Variants in DAB1 observed in about 807,000 individuals in gnomAD.
DAB1 encodes DAB adaptor protein 1.
A neutral mutation model predicts 64.6 loss-of-function variants in DAB1; 15 were observed. The observed-to-expected ratio is 0.23, with a 90% CI of 0.16 to 0.36. The LOEUF is 0.36. Among genes scored for constraint, DAB1 ranks in the 10% least tolerant of loss-of-function variants. The pLI, the probability that DAB1 is intolerant of heterozygous loss-of-function variation, is 1.00. For synonymous variants in DAB1, 235 were observed against 251.9 expected (o/e 0.93, Z 0.64); for missense variants, 596 against 706.7 (o/e 0.84, Z 1.78).
intron 6 of DAB1, among the ~76,000 whole-genome samples, chr1:57,670,832 C>T (rs1159310066): frequency 6.6e-6 from 1 of 152,106 alleles, no homozygotes; most frequent in Non-Finnish European, 1.5e-5. Context: ...ACAAAGCAAA[C>T]AGAGTTGTCC....
At chr1:58,465,865 C>T (rs577756085) in intron 3 of DAB1, among the ~76,000 whole-genome samples, 1 of 152,272 alleles carries the variant, frequency 6.6e-6, no homozygotes, top group South Asian at 2.1e-4. Context: ...TGGTCAATGG[C>T]AGAAATGGGG....
intron 6 of DAB1, among the ~76,000 whole-genome samples, chr1:57,685,192 T>C (rs548582744): frequency 1.3e-5 from 2 of 151,892 alleles, no homozygotes; most frequent in East Asian, 3.9e-4. Flanking sequence ...GACCTCGTGA[T>C]CTGCCCACCT....
At chr1:58,140,023 T>A (rs1392684843) in intron 5 of DAB1, among the ~76,000 whole-genome samples, 1 of 152,220 alleles carries the variant, frequency 6.6e-6, no homozygotes, top group Non-Finnish European at 1.5e-5. Flanking sequence ...ACTCCTGCAA[T>A]GGCATATTTT....
At chr1:57,722,761 G>A (rs887469607) in intron 6 of DAB1, among the ~76,000 whole-genome samples, 5 of 152,212 alleles carry the variant, frequency 3.3e-5, no homozygotes, top group Non-Finnish European at 5.9e-5. Context: ...GGAGAAAGGG[G>A]AGAACAATGG....
intron 7 of DAB1, among the ~76,000 whole-genome samples, chr1:57,470,115 T>C (rs1687088668): frequency 6.6e-6 from 1 of 152,198 alleles, no homozygotes; most frequent in Admixed American, 6.5e-5. Context: ...AATCTGCCAC[T>C]AACTCATGAA....
chr1:58,200,878 T>C (rs1233311851), intron 4 of DAB1, among the ~76,000 whole-genome samples: 1 of 152,156 alleles, frequency 6.6e-6, no homozygotes, highest in Non-Finnish European at 1.5e-5. Flanking sequence ...ACTCAAACAA[T>C]TATCATAACT....
chr1:57,565,663 CA>C (rs1306411997), intron 7 of DAB1, among the ~76,000 whole-genome samples: 2 of 152,074 alleles, frequency 1.3e-5, no homozygotes, highest in African/African-American at 2.4e-5. Flanking sequence ...CAACAAAGAT[CA>C]AAAGAGACAA....
intron 4 of DAB1, among the ~76,000 whole-genome samples, chr1:58,228,158 C>T (rs1050819130): frequency 2.6e-5 from 4 of 152,106 alleles, no homozygotes; most frequent in Admixed American, 6.5e-5. Context: ...GCAGTATAGT[C>T]GGTTCAAGGC....
chr1:58,012,004 G>A (rs1450981227), intron 5 of DAB1, among the ~76,000 whole-genome samples: 2 of 152,002 alleles, frequency 1.3e-5, no homozygotes, highest in African/African-American at 4.8e-5. Context: ...TTTTTATTGT[G>A]CATACATATA....
At chr1:58,025,933 T>C (rs983383398) in intron 5 of DAB1, among the ~76,000 whole-genome samples, 1 of 152,000 alleles carries the variant, frequency 6.6e-6, no homozygotes, top group Admixed American at 6.6e-5. Context: ...CTGTGCATTG[T>C]TCTTGTTCTC....
intron 3 of DAB1, among the ~76,000 whole-genome samples, chr1:58,409,796 G>A (rs1180228987): frequency 6.6e-6 from 1 of 152,190 alleles, no homozygotes; most frequent in Non-Finnish European, 1.5e-5. Flanking sequence ...ACTGAGCACT[G>A]GCTAGGATTT....
intron 5 of DAB1, among the ~76,000 whole-genome samples, chr1:57,935,741 C>A (rs1645015474): frequency 6.6e-6 from 1 of 152,104 alleles, no homozygotes; most frequent in African/African-American, 2.4e-5. Context: ...ACAACAACAA[C>A]AACAACAAAA....
intron 2 of DAB1, among the ~76,000 whole-genome samples, chr1:58,506,964 C>T: frequency 6.6e-6 from 1 of 151,976 alleles, no homozygotes; most frequent in East Asian, 1.9e-4. Context: ...CACTCATATA[C>T]ATACTCATAC....
chr1:57,553,287 AAAGAT>A (rs2101480770), intron 7 of DAB1, among the ~76,000 whole-genome samples: 1 of 151,040 alleles, frequency 6.6e-6, no homozygotes, highest in South Asian at 2.1e-4. Context: ...GAACAGGTAA[AAAGAT>A]AAGAGCAGTG....
intron 2 of DAB1, among the ~76,000 whole-genome samples, chr1:57,168,382 C>A (rs903091343): frequency 6.6e-6 from 1 of 152,180 alleles, no homozygotes; most frequent in Admixed American, 6.5e-5. Context: ...CAGTCTTTCC[C>A]ATTGGAATGA....
intron 1 of DAB1, among the ~76,000 whole-genome samples, chr1:57,848,823 T>C (rs1449456105): frequency 6.6e-6 from 1 of 152,038 alleles, no homozygotes; most frequent in Non-Finnish European, 1.5e-5. Context: ...TGTTTAGTAA[T>C]GGGGAGCAGC....
intron 1 of DAB1, among the ~76,000 whole-genome samples, chr1:57,828,628 G>A (rs1050573835): frequency 1.3e-5 from 2 of 152,202 alleles, no homozygotes; most frequent in African/African-American, 4.8e-5. Flanking sequence ...CTTGGCTAAT[G>A]TATTGAGTCT....
At chr1:58,004,150 C>G (rs1042344366) in intron 5 of DAB1, among the ~76,000 whole-genome samples, 11 of 152,286 alleles carry the variant, frequency 7.2e-5, no homozygotes, top group African/African-American at 2.6e-4. Context: ...GAGTGAGTCA[C>G]AGTTTTCTGA....
At chr1:58,102,628 G>T (rs538172207) in intron 5 of DAB1, among the ~76,000 whole-genome samples, 5 of 152,042 alleles carry the variant, frequency 3.3e-5, no homozygotes, top group Non-Finnish European at 4.4e-5. Context: ...TTTCTTACTG[G>T]AACAATAAAA....
Sources: gnomAD v4.1 joint callset for allele counts (sites outside exome capture counted in the v4.1 genomes callset) on GRCh38, gnomAD v4.1.1 for gene constraint, MANE v1.5 for transcripts, NCBI Gene and HGNC (gene_info 2026-07-23, HGNC 2026-07-21) for gene names.